The following ZNF532 variants were observed in gnomAD, a reference collection of about 807,000 sequenced individuals.
ZNF532 encodes the protein zinc finger protein 532.
A neutral mutation model predicts 89.3 loss-of-function variants in ZNF532; 22 were observed. The ratio of observed to expected loss-of-function variants is 0.25; its 90% CI spans 0.18 to 0.35. The LOEUF (loss-of-function observed/expected upper bound fraction) is 0.35. Among genes scored for constraint, ZNF532 ranks in the 10% least tolerant of loss-of-function variants. The pLI, the probability that ZNF532 is intolerant of heterozygous loss-of-function variation, is 1.00. For synonymous variants in ZNF532, 606 were observed against 649.6 expected (o/e 0.93, Z 1.02); for missense variants, 1,132 against 1,643.4 (o/e 0.69, Z 5.38).
At chr18:58,942,483 A>C (rs138463270) in intron 5 of ZNF532, among the ~76,000 whole-genome samples, 37 of 152,020 alleles carry the variant, frequency 2.4e-4, no homozygotes, top group African/African-American at 8.2e-4. Flanking sequence ...AGTGGTTAAC[A>C]AAACTCCAAA....
chr18:58,942,915 G>A (rs368081224), intron 5 of ZNF532, among the ~76,000 whole-genome samples: 4 of 152,028 alleles, frequency 2.6e-5, no homozygotes, highest in African/African-American at 4.8e-5. Context: ...CCTCTCACCC[G>A]TTTTTCTTAG....
In ZNF532 at chr18:58,957,406, CATATATATATAT is replaced by C. The variant is rs58182199; in HGVS notation, c.3150+3625_3150+3636del. Among the ~76,000 whole-genome samples the C allele has an allele frequency of 2.3e-3, 321 of 138,864 alleles. 3 individuals are homozygous for C. Among genetic ancestry groups the C allele is most frequent in the Middle Eastern group, 0.011 (3 of 278 alleles). The allele number at this position is 138,864 out of a possible 152,430, so 91.1% of individuals were successfully genotyped here. A position where few individuals can be genotyped will look rare whatever the true frequency, so the allele number is the denominator to read the frequency against. On this transcript the variant is annotated intron_variant, in intron 7 of 9. Coordinates refer to ENST00000591808, the MANE Select transcript of ZNF532 (RefSeq NM_001375912.1). ...AGTATCATAATTATGACTTAAAATA[CATATATATATAT>C]ATATATATATATATATAGAAATAAA...
chr18:58,943,459 C>CTT (rs71336308), intron 5 of ZNF532, among the ~76,000 whole-genome samples: 82 of 131,334 alleles, frequency 6.2e-4, no homozygotes, highest in South Asian at 1.2e-3. Flanking sequence ...CGCGCCCAGC[C>CTT]TTTTTTTTTT....
chr18:58,890,743 GCTT>G (rs1261644380), intron 2 of ZNF532, among the ~76,000 whole-genome samples: 8 of 151,214 alleles, frequency 5.3e-5, no homozygotes, highest in South Asian at 2.1e-4. Flanking sequence ...CTGCCCTCTA[GCTT>G]CTTCTTCCTC....
chr18:58,953,845 A>G, intron 7 of ZNF532, 46 bp downstream of exon 7: 1 of 1,564,000 alleles, frequency 6.4e-7, no homozygotes, highest in Non-Finnish European at 8.7e-7. Flanking sequence ...AAGAGAGGGC[A>G]CTGGACTGGC....
intron 7 of ZNF532, among the ~76,000 whole-genome samples, chr18:58,970,305 T>C (rs1300806106): frequency 6.6e-6 from 1 of 152,230 alleles, no homozygotes; most frequent in East Asian, 1.9e-4. Context: ...ACTACTGTAC[T>C]AGGAGAAAAT....
At chr18:58,908,735 A>G (rs961122811) in intron 2 of ZNF532, among the ~76,000 whole-genome samples, 1 of 152,238 alleles carries the variant, frequency 6.6e-6, no homozygotes, top group African/African-American at 2.4e-5. Flanking sequence ...ATCAGAAAAA[A>G]TGACCTGCAG....
intron 2 of ZNF532, among the ~76,000 whole-genome samples, chr18:58,888,721 AT>A (rs2058507133): frequency 1.3e-4 from 5 of 38,808 alleles, no homozygotes; most frequent in Non-Finnish European, 2.1e-4. Flanking sequence ...ATATATATAT[AT>A]ATAAATTATA....
chr18:58,921,043 T>C (rs1277583310), intron 3 of ZNF532, among the ~76,000 whole-genome samples: 1 of 151,842 alleles, frequency 6.6e-6, no homozygotes, highest in Non-Finnish European at 1.5e-5. Context: ...TGAGCTGTGA[T>C]TGAGCCACTG....
intron 2 of ZNF532, among the ~76,000 whole-genome samples, chr18:58,904,426 A>T (rs1423245428): frequency 1.4e-4 from 21 of 152,318 alleles, no homozygotes; most frequent in African/African-American, 5.1e-4. Context: ...GATTAAAAAA[A>T]GCTAAATGTA....
chr18:58,915,895 A>G (rs2060567144), intron 2 of ZNF532, among the ~76,000 whole-genome samples: 1 of 152,234 alleles, frequency 6.6e-6, no homozygotes, highest in African/African-American at 2.4e-5. Flanking sequence ...GAAACTGTAT[A>G]AAGTCTTTTG....
intron 7 of ZNF532, among the ~76,000 whole-genome samples, chr18:58,956,606 T>C (rs2064804627): frequency 6.6e-6 from 1 of 152,180 alleles, no homozygotes; most frequent in African/African-American, 2.4e-5. Context: ...TTTCTCCGTC[T>C]TCCTTCAGAC....
At chr18:58,946,565 G>C (rs932036646) in intron 5 of ZNF532, among the ~76,000 whole-genome samples, 10 of 152,144 alleles carry the variant, frequency 6.6e-5, no homozygotes, top group African/African-American at 2.4e-4. Context: ...GAGCCACCAT[G>C]CTGGCCTAGT....
At chr18:58,887,802 GGGGCGAGCT>G (rs2058409259) in intron 2 of ZNF532, among the ~76,000 whole-genome samples, 1 of 152,138 alleles carries the variant, frequency 6.6e-6, no homozygotes, top group Non-Finnish European at 1.5e-5. Flanking sequence ...ACACCGAGTC[GGGGCGAGCT>G]GCGGTCAGTG....
At chr18:58,939,765 C>T in intron 5 of ZNF532, 144 bp downstream of exon 5, 3 of 624,414 alleles carry the variant, frequency 4.8e-6, no homozygotes, top group Non-Finnish European at 7.8e-6. Context: ...TGAAATACAG[C>T]TCATAGCTCA....
At chr18:58,966,157 G>A (rs561398702) in intron 7 of ZNF532, among the ~76,000 whole-genome samples, 3 of 152,084 alleles carry the variant, frequency 2.0e-5, no homozygotes, top group South Asian at 4.2e-4. Flanking sequence ...GAGTAGTTCT[G>A]CTGTAAAGGG....
At chr18:58,964,531 TTGTTTGTGTGTGTGTG>T (rs1265034676) in intron 7 of ZNF532, among the ~76,000 whole-genome samples, 11 of 136,914 alleles carry the variant, frequency 8.0e-5, no homozygotes, top group Middle Eastern at 3.2e-3. Flanking sequence ...AATTGATATT[TTGTTTGTGTGTGTGTG>T]TGTGTGTGTG....
At chr18:58,914,312 G>A (rs1307014896) in intron 2 of ZNF532, among the ~76,000 whole-genome samples, 1 of 152,186 alleles carries the variant, frequency 6.6e-6, no homozygotes, top group Non-Finnish European at 1.5e-5. Context: ...ATGTCTTTGG[G>A]TGAAAGAACA....
intron 2 of ZNF532, among the ~76,000 whole-genome samples, chr18:58,915,395 G>A (rs1424550452): frequency 6.6e-6 from 1 of 152,118 alleles, no homozygotes; most frequent in Non-Finnish European, 1.5e-5. Flanking sequence ...ACTCCCCCAC[G>A]TCCCCCATGA....
Sources: allele counts gnomAD v4.1 joint callset (sites outside exome capture counted in the v4.1 genomes callset), GRCh38; gene constraint gnomAD v4.1.1; transcripts MANE v1.5; gene names NCBI Gene and HGNC (gene_info 2026-07-23, HGNC 2026-07-21).